The following MMEL1 variants were observed in gnomAD, a reference collection of about 807,000 sequenced individuals.
MMEL1 encodes membrane metallo-endopeptidase-like 1.
Under a neutral mutation model 117.1 loss-of-function variants are expected in MMEL1, and 98 were observed. The ratio of observed to expected loss-of-function variants is 0.84; its 90% CI spans 0.71 to 0.99. MMEL1 has a LOEUF of 0.99. Ranked by LOEUF, MMEL1 falls within the 50% of genes least tolerant of loss-of-function variation. MMEL1 has a pLI of 0.00. For missense variants in MMEL1, 1,014 were observed against 1,049.1 expected (o/e 0.97, Z 0.46); for synonymous variants, 390 against 415.1 (o/e 0.94, Z 0.74).
intron 2 of MMEL1, among the ~76,000 whole-genome samples, chr1:2,623,641 C>A (rs375599891): frequency 6.6e-6 from 1 of 152,160 alleles, no homozygotes; most frequent in East Asian, 1.9e-4. Context: ...TTGGAGTAGC[C>A]GGGAGCCCCC....
At chr1:2,624,283 G>A (rs925563539) in intron 2 of MMEL1, among the ~76,000 whole-genome samples, 4 of 152,188 alleles carry the variant, frequency 2.6e-5, no homozygotes, top group Non-Finnish European at 4.4e-5. Context: ...GAACCGTCTG[G>A]TCCCCGGGCT....
Position 2,595,287 on chromosome 1 carries a change from C to T in MMEL1, c.1573G>A (p.Glu525Lys). The change falls in exon 16 of 24, where the codon GAG becomes AAG. Residue 525 changes from glutamate to lysine, a missense_variant. Coordinates refer to ENST00000378412, the MANE Select transcript of MMEL1 (RefSeq NM_033467.4). The surrounding 1 kb of genome is among the most constrained non-coding windows in gnomAD (Gnocchi z 4.8). ...GGTTGGGGGCGCACATTGGAGTACT[C>T]CTCGTCCAGGCGCCTGTTCATCTCC... ...LEEMNRRLDE[E>K]YSNLNFSEDL... 1 of 1,613,716 alleles carries T rather than the reference C, an allele frequency of 6.2e-7. No homozygotes were observed. The highest frequency in any genetic ancestry group is 8.5e-7 in the Non-Finnish European group (1 of 1,179,990).
chr1:2,608,663 C>G (rs142229932), intron 6 of MMEL1, among the ~76,000 whole-genome samples: 8 of 151,880 alleles, frequency 5.3e-5, no homozygotes, highest in African/African-American at 1.9e-4. Context: ...ACACAACACA[C>G]CCATAGAATA....
intron 9 of MMEL1, among the ~76,000 whole-genome samples, chr1:2,605,261 G>A (rs1645003526): frequency 6.6e-6 from 1 of 152,208 alleles, no homozygotes; most frequent in South Asian, 2.1e-4. Flanking sequence ...GGAATCCGGT[G>A]CTGCAGAGCC....
chr1:2,608,052 TTAAG>T (rs1334563943), intron 6 of MMEL1, among the ~76,000 whole-genome samples: 3 of 152,026 alleles, frequency 2.0e-5, no homozygotes, highest in African/African-American at 7.3e-5. Flanking sequence ...AGGCCAAAAA[TTAAG>T]TAAAGGCGAG....
chr1:2,596,093 A>C lies in MMEL1; in HGVS notation c.1416T>G (p.Ile472Met), dbSNP rs80004868. The change falls in exon 15 of 24, where the codon ATT becomes ATG. Residue 472 changes from isoleucine to methionine, a missense_variant. By Grantham distance (10) the Ile-to-Met change is conservative (BLOSUM62 1). Coordinates refer to ENST00000378412, the MANE Select transcript of MMEL1 (RefSeq NM_033467.4). ...GDSKSMVREL[I>M]DKVRTVFVET... is the part of the protein sequence containing the mutation. ...CCACAAACACTGTCCGCACCTTGTC[A>C]ATGAGTTCTCTGACCTGGGAATCGG... 2.5e-6 allele frequency: 4 copies of C among 1,613,922 alleles called. No individual in the cohort carries two copies. The East Asian group carries it at 8.9e-5, about 36-fold the overall frequency.
intron 2 of MMEL1, among the ~76,000 whole-genome samples, chr1:2,627,151 G>A (rs1236774477): frequency 6.6e-6 from 1 of 152,240 alleles, no homozygotes; most frequent in Non-Finnish European, 1.5e-5. Context: ...ACAGTTTCAC[G>A]AAGTGAAAGA....
Position 2,604,298 on chromosome 1 carries a change from C to T in MMEL1, c.817-17G>A, listed in dbSNP as rs376434984. The T allele has an allele frequency of 1.3e-4, 212 of 1,611,412 alleles. No homozygotes were observed. Among genetic ancestry groups the T allele is most frequent in the African/African-American group, 6.5e-4 (49 of 75,048 alleles). On this transcript the variant is annotated splice_polypyrimidine_tract_variant and intron_variant, in intron 9 of 23. Coordinates refer to ENST00000378412, the MANE Select transcript of MMEL1 (RefSeq NM_033467.4). ...TTCCCGCACCTGGGCCAAAGGACGC[C>T]GGGCAGAGCTGGGTGGCCTCAGCCA... is the stretch of plus-strand genomic sequence containing the variant.
rs1162881544 is a variant in MMEL1, at chr1:2,629,328, C to T, written c.154+3G>A. The stretch of plus-strand genomic sequence containing the variant: ...CAGGCGGGGGCGGGGCACCCGCACT[C>T]ACCTCTGCGGTCGGCGTAGAGGACA... On this transcript the variant is annotated splice_donor_region_variant and intron_variant, in intron 2 of 23. Transcript: ENST00000378412. 4 of 1,533,558 alleles carry T rather than the reference C, an allele frequency of 2.6e-6. No homozygotes were observed. The African/African-American group carries it at 4.2e-5, about 16-fold the overall frequency. 95.0% of individuals were successfully genotyped at this position (1,533,558 alleles called of 1,614,324 possible). A position where few individuals can be genotyped will look rare whatever the true frequency, so the allele number is the denominator to read the frequency against.
rs1004607239 is a variant in MMEL1, at chr1:2,596,083, G to T, written c.1426C>A (p.Arg476=). 3 of 1,613,978 alleles carry T rather than the reference G, an allele frequency of 1.9e-6. No homozygotes were observed. The highest frequency in any genetic ancestry group is 2.5e-6 in the Non-Finnish European group (3 of 1,179,912). The part of the protein sequence containing the change: ...SMVRELIDKV[R]TVFVETLDEL... Reference sequence around the variant, plus strand: ...TCCAGCGTCTCCACAAACACTGTCCGCACCTTGTCAATGAGTTCTCTGACC... The same window carrying T: ...TCCAGCGTCTCCACAAACACTGTCCTCACCTTGTCAATGAGTTCTCTGACC... The change falls in exon 15 of 24, where the codon CGG becomes AGG. Residue 476 remains arginine, a synonymous_variant. Transcript: ENST00000378412.
At chr1:2,631,567 A>C (rs1474681027) in intron 1 of MMEL1, among the ~76,000 whole-genome samples, 2 of 151,834 alleles carry the variant, frequency 1.3e-5, no homozygotes, top group Non-Finnish European at 2.9e-5. Flanking sequence ...GGGGACGGGG[A>C]CCTGGACCTC....
At chr1:2,624,574 T>A (rs1265243133) in intron 2 of MMEL1, among the ~76,000 whole-genome samples, 2 of 152,254 alleles carry the variant, frequency 1.3e-5, no homozygotes, top group Non-Finnish European at 2.9e-5. Context: ...TGATTTTATG[T>A]TTTGACAAAT....
chr1:2,604,122 T>TGGCCCCCC, intron 10 of MMEL1, 25 bp downstream of exon 10: 3 of 1,357,430 alleles, frequency 2.2e-6, no homozygotes, highest in Non-Finnish European at 3.1e-6. Context: ...CGCTGCCCGC[T>TGGCCCCCC]CCCCACCCGC....
chr1:2,608,612 TAAC>T (rs1557541443), intron 6 of MMEL1, among the ~76,000 whole-genome samples: 2 of 151,452 alleles, frequency 1.3e-5, no homozygotes, highest in Admixed American at 1.3e-4. Context: ...CATATACACA[TAAC>T]ACACACATAC....
At chr1:2,631,447 A>G (rs1018221293) in intron 1 of MMEL1, among the ~76,000 whole-genome samples, 7 of 148,630 alleles carry the variant, frequency 4.7e-5, no homozygotes, top group Non-Finnish European at 1.0e-4. Context: ...ACTCCCTGGG[A>G]GATCCTAGAT....
intron 11 of MMEL1, among the ~76,000 whole-genome samples, chr1:2,602,428 A>T (rs2100937841): frequency 6.6e-6 from 1 of 151,800 alleles, no homozygotes; most frequent in East Asian, 1.9e-4. Context: ...AGGCCATCTG[A>T]GCTCTCTCAC....
chr1:2,626,611 C>T (rs1452146224), intron 2 of MMEL1, among the ~76,000 whole-genome samples: 1 of 152,244 alleles, frequency 6.6e-6, no homozygotes, highest in Non-Finnish European at 1.5e-5. Context: ...TTGCCAACCC[C>T]TGTACTAGAA....
In MMEL1 at chr1:2,609,866, G is replaced by A. The variant is rs1457168427; in HGVS notation, c.293-35C>T. Reference sequence around the variant, plus strand: ...CCCATGGCGTGGAGCAGGGAGAGGGGAGACAGAGAGAGTTGTGGACAGCCC... The same window carrying A: ...CCCATGGCGTGGAGCAGGGAGAGGGAAGACAGAGAGAGTTGTGGACAGCCC... On this transcript the variant is annotated intron_variant, in intron 4 of 23. Transcript: ENST00000378412. 1.9e-6 allele frequency: 3 copies of A among 1,576,492 alleles called. No homozygotes were observed. The South Asian group carries it at 3.6e-5, about 19-fold the overall frequency.
intron 2 of MMEL1, among the ~76,000 whole-genome samples, chr1:2,627,945 C>T (rs1638346890): frequency 6.6e-6 from 1 of 152,128 alleles, no homozygotes; most frequent in Non-Finnish European, 1.5e-5. Flanking sequence ...GGGGCACTCC[C>T]GAGGCACCTG....
Sources: allele counts gnomAD v4.1 joint callset (sites outside exome capture counted in the v4.1 genomes callset), GRCh38; gene constraint gnomAD v4.1.1; non-coding constraint Gnocchi (gnomAD v3.1); transcripts MANE v1.5; gene names NCBI Gene and HGNC (gene_info 2026-07-23, HGNC 2026-07-21).